PLEKHJ1: variants seen among roughly 807,000 people sequenced by gnomAD.
PLEKHJ1 encodes the protein pleckstrin homology domain containing J1, also known as pleckstrin homology domain-containing family J member 1.
A neutral mutation model predicts 21.7 loss-of-function variants in PLEKHJ1; 20 were observed. The observed-to-expected ratio is 0.92, with a 90% CI of 0.65 to 1.34. The LOEUF (loss-of-function observed/expected upper bound fraction) is 1.34. PLEKHJ1 is among the 40% of genes most tolerant of loss of function. PLEKHJ1 has a pLI of 0.00. For missense variants in PLEKHJ1, 241 were observed against 202.0 expected, an observed-to-expected ratio of 1.19 and a Z score of -1.17; for synonymous variants, 113 against 80.6, an observed-to-expected ratio of 1.40 and a Z score of -2.15.
chr19:2,230,201 T>C (rs1010743399), downstream of PLEKHJ1: 1 of 444,310 alleles, frequency 2.3e-6, no homozygotes, highest in Non-Finnish European at 3.9e-6. Flanking sequence ...TCCACCCGCT[T>C]GGTGCTGACT....
chr19:2,233,718 AC>A lies in PLEKHJ1; in HGVS notation c.*121del, dbSNP rs1283510143. On this transcript the variant is annotated 3_prime_UTR_variant, in exon 6 of 6. Transcript: ENST00000326631. Reference sequence around the variant, plus strand: ...ACCACTGCACTCTAGCCTGGGCAACACAGTGAAACCCTGACCCAAAAACCAA... The same window carrying A: ...ACCACTGCACTCTAGCCTGGGCAACAAGTGAAACCCTGACCCAAAAACCAA... 6 of 855,294 alleles carry A rather than the reference AC, an allele frequency of 7.0e-6. No individual in the cohort carries two copies. Among genetic ancestry groups the A allele is most frequent in the Non-Finnish European group, 9.1e-6 (5 of 548,598 alleles). The allele number at this position is 855,294 out of a possible 1,614,324, so 53.0% of individuals were successfully genotyped here.
At chr19:2,235,117 G>A (rs957441218) in intron 3 of PLEKHJ1, 1 of 152,292 alleles carries the variant, frequency 6.6e-6, no homozygotes, top group Admixed American at 6.5e-5. Context: ...GATGCAAGGA[G>A]GACAAGGTGA....
At chr19:2,235,540 G>T in intron 3 of PLEKHJ1, 1 of 583,198 alleles carries the variant, frequency 1.7e-6, no homozygotes, top group Non-Finnish European at 3.0e-6. Context: ...GCAGAGTCTG[G>T]GAGGGACCCA....
chr19:2,230,254 G>A (rs1191064810), downstream of PLEKHJ1: 3 of 418,628 alleles, frequency 7.2e-6, no homozygotes, highest in South Asian at 8.6e-5. Flanking sequence ...AACGCCGCCC[G>A]GCCGGCTCCC....
chr19:2,235,910 G>C lies in PLEKHJ1; in HGVS notation c.162+13C>G. 1 of 1,607,812 alleles carries C rather than the reference G, an allele frequency of 6.2e-7. No individual in the cohort carries two copies. The highest frequency in any genetic ancestry group is 8.5e-7 in the Non-Finnish European group (1 of 1,177,868). On this transcript the variant is annotated intron_variant, in intron 2 of 5. Coordinates refer to ENST00000326631, the MANE Select transcript of PLEKHJ1 (RefSeq NM_018049.3). The stretch of plus-strand genomic sequence containing the variant: ...CAGCCTGGGACCCGCCCGCGCGCCC[G>C]GGACGCCCCTACCTCGGCCTCGTCT...
At chr19:2,231,824 G>A (rs979922892), downstream of PLEKHJ1, 6 of 218,702 alleles carry the variant, frequency 2.7e-5, no homozygotes, top group African/African-American at 6.7e-5. Context: ...GTGCCATCAC[G>A]GGTCCTGCAG....
In PLEKHJ1 at chr19:2,233,689, TG is replaced by T; in HGVS notation, c.*150del. On this transcript the variant is annotated 3_prime_UTR_variant, in exon 6 of 6. Transcript: ENST00000326631. ...AGAAGGTCAAGGTCACAGTGAGCTG[TG>T]GCACCACTGCACTCTAGCCTGGGCA... 1.5e-6 allele frequency: 1 copy of T among 657,180 alleles called. No individual in the cohort carries two copies. Among genetic ancestry groups the T allele is most frequent in the Non-Finnish European group, 2.6e-6 (1 of 383,796 alleles). The allele number at this position is 657,180 out of a possible 1,614,324, so 40.7% of individuals were successfully genotyped here. A position where few individuals can be genotyped will look rare whatever the true frequency, so the allele number is the denominator to read the frequency against.
downstream of PLEKHJ1, chr19:2,230,439 T>TG (rs1185618265): frequency 5.0e-6 from 2 of 399,772 alleles, no homozygotes; most frequent in Non-Finnish European, 8.8e-6. Flanking sequence ...GTTGCGCCCT[T>TG]GCATGTGAAG....
At chr19:2,233,931 G>A (rs373166723) in intron 5 of PLEKHJ1, 26 bp from the exon 6 acceptor site, 46 of 1,612,588 alleles carry the variant, frequency 2.9e-5, no homozygotes, top group African/African-American at 4.0e-5. Flanking sequence ...GTGGCCATGA[G>A]CCAGGGCTGG....
chr19:2,234,143 G>A lies in PLEKHJ1; in HGVS notation c.320+7C>T. On this transcript the variant is annotated splice_region_variant and intron_variant, in intron 4 of 5. Coordinates refer to ENST00000326631, the MANE Select transcript of PLEKHJ1 (RefSeq NM_018049.3). ...CCCCAGCAGTGCCCACCACCGCCTGGCCCCACCTGGCCCGACGCAGAGCCT... is the reference window on the plus strand; with the variant it reads ...CCCCAGCAGTGCCCACCACCGCCTGACCCCACCTGGCCCGACGCAGAGCCT... 6.2e-7 allele frequency: 1 copy of A among 1,611,910 alleles called. No homozygotes were observed. The highest frequency in any genetic ancestry group is 8.5e-7 in the Non-Finnish European group (1 of 1,179,690).
At chr19:2,229,995 A>AT (rs2024528964), downstream of PLEKHJ1, 2 of 771,536 alleles carry the variant, frequency 2.6e-6, no homozygotes, top group Non-Finnish European at 4.1e-6. Context: ...TAGATAAAGT[A>AT]TTTATCATTT....
At position 2,234,368 on chromosome 19, in the gene PLEKHJ1, ATGAGTATGGCCC is replaced by A. The variant is rs1171140511; in HGVS notation, c.230-140_230-129del. On this transcript the variant is annotated intron_variant, in intron 3 of 5. Transcript: ENST00000326631. ...TTCATGTCCTGACCCCCCAGAACCC[ATGAGTATGGCCC>A]TGTATATAAACAGGGTCTTTGCATA... The A allele has an allele frequency of 7.5e-6, 5 of 667,334 alleles. No homozygotes were observed. The African/African-American group carries it at 8.9e-5, about 12-fold the overall frequency. The allele number at this position is 667,334 out of a possible 1,614,324, so 41.3% of individuals were successfully genotyped here. A position where few individuals can be genotyped will look rare whatever the true frequency, so the allele number is the denominator to read the frequency against.
downstream of PLEKHJ1, chr19:2,230,241 G>A (rs558169744): frequency 4.3e-5 from 18 of 414,264 alleles, no homozygotes; most frequent in African/African-American, 6.1e-5. Flanking sequence ...CCCCGTTCTC[G>A]GAAACGCCGC....
chr19:2,232,065 G>T (rs1035711475), downstream of PLEKHJ1: 20 of 212,960 alleles, frequency 9.4e-5, no homozygotes, highest in African/African-American at 4.5e-4. Context: ...GCGGGTGGCA[G>T]GGTGGCTGTG....
At chr19:2,231,132 T>G, downstream of PLEKHJ1, 1 of 228,968 alleles carries the variant, frequency 4.4e-6, no homozygotes, top group Non-Finnish European at 8.7e-6. Flanking sequence ...AGTCAGGGCC[T>G]GGGTTGTCTG....
chr19:2,236,096 A>AGGCCCC, intron 1 of PLEKHJ1, 59 bp downstream of exon 1: 2 of 1,332,206 alleles, frequency 1.5e-6, no homozygotes, highest in Admixed American at 3.7e-5. Context: ...ACCCCCGCCC[A>AGGCCCC]GACCCCGGCC....
downstream of PLEKHJ1, chr19:2,231,285 C>T (rs1219461308): frequency 1.8e-5 from 4 of 223,022 alleles, no homozygotes; most frequent in Admixed American, 1.2e-4. Flanking sequence ...GAGCCCCTTC[C>T]CCAAGGTGCC....
chr19:2,231,595 A>AC (rs1352975978), downstream of PLEKHJ1: 1 of 191,334 alleles, frequency 5.2e-6, no homozygotes, highest in African/African-American at 2.5e-5. Context: ...TGCCCTCCCC[A>AC]CCCCACGTTG....
chr19:2,235,788 C>T lies in PLEKHJ1; in HGVS notation c.203G>A (p.Arg68Gln). ...ALLLERCRVV[R>Q]EEPGTFSISF... ...GATGGAGAAGGTGCCGGGCTCTTCC[C>T]GGACGACTCTGCAGCGCTCCAGCAG... The change falls in exon 3 of 6, where the codon CGG becomes CAG. Residue 68 changes from arginine to glutamine, a missense_variant. Transcript: ENST00000326631. The T allele has an allele frequency of 1.3e-6, 2 of 1,549,944 alleles. No individual in the cohort carries two copies. The highest frequency in any genetic ancestry group is 1.7e-6 in the Non-Finnish European group (2 of 1,147,022).
Sources: gnomAD v4.1 joint callset for allele counts on GRCh38, gnomAD v4.1.1 for gene constraint, MANE v1.5 for transcripts, NCBI Gene and HGNC (gene_info 2026-07-23, HGNC 2026-07-21) for gene names.